Variants in CYTH4 observed in about 807,000 individuals in gnomAD.
CYTH4 encodes cytohesin 4.
In CYTH4, 22 loss-of-function variants were observed where a neutral mutation model predicts 57.5. The ratio of observed to expected loss-of-function variants is 0.38; its 90% CI spans 0.27 to 0.55. The LOEUF is 0.55. Among genes scored for constraint, CYTH4 ranks in the 20% least tolerant of loss-of-function variants. CYTH4 has a pLI of 0.74. For missense variants in CYTH4, 420 were observed against 535.6 expected, an observed-to-expected ratio of 0.78 and a Z score of 2.13; for synonymous variants, 186 against 206.5, an observed-to-expected ratio of 0.90 and a Z score of 0.85.
rs113683846 is a variant in CYTH4 at position 37,310,816 on chromosome 22, T to A, written c.809-172T>A. ...GAAGCCTGGGGATTACAGGAGCCAC[T>A]AAGGTTCTTGTTTGAGAAAGGGATA... On this transcript the variant is annotated intron_variant, in intron 9 of 12. Coordinates refer to ENST00000248901, the MANE Select transcript of CYTH4 (RefSeq NM_013385.5). 2.8e-4 allele frequency among the ~76,000 whole-genome samples: 43 copies of A among 152,244 alleles called. 1 individual carries two copies. The highest frequency in any genetic ancestry group is 2.1e-3 in the South Asian group (10 of 4,824).
chr22:37,294,828 T>C, intron 3 of CYTH4, 104 bp downstream of exon 3: 1 of 1,383,356 alleles, frequency 7.2e-7, no homozygotes, highest in Non-Finnish European at 1.0e-6. Flanking sequence ...CTGGACCTGG[T>C]GAAATCAGGG....
chr22:37,289,033 C>T (rs908399302), intron 1 of CYTH4, among the ~76,000 whole-genome samples: 1 of 152,196 alleles, frequency 6.6e-6, no homozygotes, highest in Non-Finnish European at 1.5e-5. Flanking sequence ...AAACACATTT[C>T]CAACACGTGT....
intron 6 of CYTH4, chr22:37,299,972 CAG>C (rs1929120584): frequency 1.4e-6 from 1 of 696,194 alleles, no homozygotes; most frequent in Non-Finnish European, 2.7e-6. Flanking sequence ...GCCTGGGCAA[CAG>C]AGTGAGGCTC....
chr22:37,311,080 C>G lies in CYTH4; in HGVS notation c.885+16C>G. The stretch of plus-strand genomic sequence containing the variant: ...GTTCACCACTGTGAGCAGGGTTCTC[C>G]TGGGCCTTCCCCTGCCCCCGCCTCT... On this transcript the variant is annotated intron_variant, in intron 10 of 12. Coordinates refer to ENST00000248901, the MANE Select transcript of CYTH4 (RefSeq NM_013385.5). This position sits in a 1 kb window ranked among gnomAD's most constrained non-coding sequence, Gnocchi z 4.4. 1 of 1,613,606 alleles carries G rather than the reference C, an allele frequency of 6.2e-7. No homozygotes were observed. Among genetic ancestry groups the G allele is most frequent in the Non-Finnish European group, 8.5e-7 (1 of 1,179,538 alleles).
At position 37,300,860 on chromosome 22, in the gene CYTH4, G is replaced by T. The variant is rs566213311; in HGVS notation, c.435-47G>T. ...AGGCAGGGCAGCTTGTCTGGGGCCCGCGAGGGCCCACCCACTCCACTGCCC... is the reference window on the plus strand; with the variant it reads ...AGGCAGGGCAGCTTGTCTGGGGCCCTCGAGGGCCCACCCACTCCACTGCCC... On this transcript the variant is annotated intron_variant, in intron 6 of 12. Coordinates refer to ENST00000248901, the MANE Select transcript of CYTH4 (RefSeq NM_013385.5). 7.3e-4 allele frequency: 1,125 copies of T among 1,531,286 alleles called. 13 individuals carry two copies. In the South Asian group the frequency reaches 0.011, roughly 16 times the overall value. The allele number at this position is 1,531,286 out of a possible 1,614,324, so 94.9% of individuals were successfully genotyped here.
rs1488070970 is a variant in CYTH4 at position 37,296,082 on chromosome 22, G to C, written c.234+17G>C. 1 of 1,610,042 alleles carries C rather than the reference G, an allele frequency of 6.2e-7. No individual in the cohort carries two copies. The highest frequency in any genetic ancestry group is 2.2e-5 in the East Asian group (1 of 44,736). On this transcript the variant is annotated intron_variant, in intron 4 of 12. Transcript: ENST00000248901. ...CCCGCCAAGGTAGGTGGCTGTGGAG[G>C]GCCCGGGCCACAGGGTGTGGGGGCT...
In CYTH4 at chr22:37,307,276, C is replaced by T. The variant is rs558607873; in HGVS notation, c.697-1936C>T. ...AGAATGTACAGGCTGATACAGTGAC[C>T]GCAGAAGCTGCTGGGTCCCCCTGTG... On this transcript the variant is annotated intron_variant, in intron 8 of 12. Transcript: ENST00000248901. Among the ~76,000 whole-genome samples, 13 of 152,314 alleles carry T rather than the reference C, an allele frequency of 8.5e-5. 1 individual carries two copies. In the East Asian group the frequency reaches 2.3e-3, roughly 27 times the overall value.
At chr22:37,299,023 G>C (rs1019056709) in intron 5 of CYTH4, among the ~76,000 whole-genome samples, 5 of 152,172 alleles carry the variant, frequency 3.3e-5, no homozygotes, top group African/African-American at 1.2e-4. Context: ...AGCCGTGAAG[G>C]TGTGTGTTCC....
At chr22:37,292,731 TG>T (rs746033617) in intron 2 of CYTH4, 28 bp downstream of exon 2, 1 of 1,608,908 alleles carries the variant, frequency 6.2e-7, no homozygotes, top group East Asian at 2.2e-5. Context: ...TCCACACACG[TG>T]TCCATGCCCA....
chr22:37,311,077 C>T lies in CYTH4; in HGVS notation c.885+13C>T. On this transcript the variant is annotated intron_variant, in intron 10 of 12. Transcript: ENST00000248901. This position sits in a 1 kb window ranked among gnomAD's most constrained non-coding sequence, Gnocchi z 4.4. ...CGAGTTCACCACTGTGAGCAGGGTT[C>T]TCCTGGGCCTTCCCCTGCCCCCGCC... 1 of 1,613,848 alleles carries T rather than the reference C, an allele frequency of 6.2e-7. No individual in the cohort carries two copies. Among genetic ancestry groups the T allele is most frequent in the Non-Finnish European group, 8.5e-7 (1 of 1,179,754 alleles).
At chr22:37,285,047 T>C (rs1332741014) in intron 1 of CYTH4, among the ~76,000 whole-genome samples, 2 of 151,996 alleles carry the variant, frequency 1.3e-5, no homozygotes, top group African/African-American at 4.8e-5. Context: ...TGCCCCAGGG[T>C]CCCTCCTACT....
chr22:37,300,329 T>C (rs1929134620), intron 6 of CYTH4: 1 of 698,650 alleles, frequency 1.4e-6, no homozygotes, highest in African/African-American at 1.8e-5. Flanking sequence ...CACATATTCA[T>C]TCATTCATTC....
chr22:37,290,934 C>T (rs867781924), intron 1 of CYTH4, among the ~76,000 whole-genome samples: 4 of 152,198 alleles, frequency 2.6e-5, no homozygotes, highest in Non-Finnish European at 2.9e-5. Context: ...GCTTTCCTCC[C>T]AGCAGCTGGG....
chr22:37,288,630 AGGTGG>A (rs1264524000), intron 1 of CYTH4, among the ~76,000 whole-genome samples: 3 of 150,684 alleles, frequency 2.0e-5, no homozygotes, highest in Non-Finnish European at 4.4e-5. Flanking sequence ...GGAGAATGGC[AGGTGG>A]GGCCACTCCC....
chr22:37,308,584 GTA>G (rs752893319), intron 8 of CYTH4, among the ~76,000 whole-genome samples: 156 of 151,904 alleles, frequency 1.0e-3, no homozygotes, highest in Admixed American at 2.7e-3. Context: ...GTGTGAGCGT[GTA>G]TATGTGTCTG....
intron 8 of CYTH4, among the ~76,000 whole-genome samples, chr22:37,308,522 A>G (rs989660915): frequency 6.6e-6 from 1 of 150,694 alleles, no homozygotes; most frequent in Non-Finnish European, 1.5e-5. Flanking sequence ...GCGTGTGTAT[A>G]TGTGTCTGTG....
intron 8 of CYTH4, among the ~76,000 whole-genome samples, chr22:37,306,953 C>G (rs1478462789): frequency 1.3e-5 from 2 of 152,196 alleles, no homozygotes; most frequent in Non-Finnish European, 2.9e-5. Flanking sequence ...GTCATTCACC[C>G]CCTCCTGGAG....
rs1026663976 is a variant in CYTH4, at chr22:37,284,978, C to T, written c.19+2390C>T. On this transcript the variant is annotated intron_variant, in intron 1 of 12. Coordinates refer to ENST00000248901, the MANE Select transcript of CYTH4 (RefSeq NM_013385.5). ...GGCGGCGGGGGAGGAAGCCGCACTC[C>T]GCAGAGCCTGTGGGGCTTGTGGGGC... 7.9e-5 allele frequency among the ~76,000 whole-genome samples: 12 copies of T among 152,152 alleles called. No individual in the cohort carries two copies. The South Asian group carries it at 1.0e-3, about 13-fold the overall frequency.
chr22:37,282,687 C>G, intron 1 of CYTH4, 99 bp downstream of exon 1: 1 of 1,089,408 alleles, frequency 9.2e-7, no homozygotes, highest in African/African-American at 1.6e-5. Context: ...AGGAATACAG[C>G]GCAGGTGGGA....
Sources: gnomAD v4.1 joint callset for allele counts (sites outside exome capture counted in the v4.1 genomes callset) on GRCh38, gnomAD v4.1.1 for gene constraint, Gnocchi (gnomAD v3.1) non-coding constraint, MANE v1.5 for transcripts, NCBI Gene and HGNC (gene_info 2026-07-23, HGNC 2026-07-21) for gene names.